CCDC192: variants seen among roughly 807,000 people sequenced by gnomAD.
CCDC192 encodes coiled-coil domain containing 192.
At chr5:127,801,397 G>GA (rs1243042578) in intron 5 of CCDC192, among the ~76,000 whole-genome samples, 1 of 151,966 alleles carries the variant, frequency 6.6e-6, no homozygotes, top group Non-Finnish European at 1.5e-5. Context: ...ACCTCTATAA[G>GA]AGTCTCCTGG....
intron 2 of CCDC192, among the ~76,000 whole-genome samples, chr5:127,719,456 CAT>C (rs200954365): frequency 7.5e-6 from 1 of 133,586 alleles, no homozygotes; most frequent in Admixed American, 8.0e-5. Context: ...TATATACATA[CAT>C]ATATATACAG....
At chr5:127,719,476 C>CATAT (rs71575703) in intron 2 of CCDC192, among the ~76,000 whole-genome samples, 1 of 127,718 alleles carries the variant, frequency 7.8e-6, no homozygotes, top group African/African-American at 3.3e-5. Context: ...CAGACACATA[C>CATAT]ATATATATAT....
chr5:127,772,682 T>C (rs980239693), intron 3 of CCDC192, among the ~76,000 whole-genome samples: 19 of 152,278 alleles, frequency 1.2e-4, no homozygotes, highest in African/African-American at 4.3e-4. Flanking sequence ...GACCTCTATA[T>C]ATTGCATACC....
chr5:127,792,020 A>G (rs988903839), intron 3 of CCDC192, among the ~76,000 whole-genome samples: 14 of 152,180 alleles, frequency 9.2e-5, no homozygotes, highest in Admixed American at 9.2e-4. Context: ...TATAAGAAGG[A>G]ACCAAGTAGT....
At chr5:127,793,958 CA>C (rs1203211343) in intron 3 of CCDC192, among the ~76,000 whole-genome samples, 1 of 152,170 alleles carries the variant, frequency 6.6e-6, no homozygotes, top group African/African-American at 2.4e-5. Flanking sequence ...GTTAATAAAG[CA>C]CTTTAATAAT....
chr5:127,729,907 A>C (rs765234381), intron 2 of CCDC192, among the ~76,000 whole-genome samples: 9 of 152,186 alleles, frequency 5.9e-5, no homozygotes, highest in Non-Finnish European at 1.2e-4. Context: ...AAATGCCCAC[A>C]TCAAAAAAGA....
chr5:127,939,772 C>T (rs1385774758), intron 6 of CCDC192, among the ~76,000 whole-genome samples: 1 of 151,436 alleles, frequency 6.6e-6, no homozygotes, highest in Non-Finnish European at 1.5e-5. Context: ...TAGCAGCAGG[C>T]TTTTGTATCT....
At chr5:127,737,563 C>T (rs1224015954) in intron 2 of CCDC192, among the ~76,000 whole-genome samples, 1 of 151,472 alleles carries the variant, frequency 6.6e-6, no homozygotes, top group Non-Finnish European at 1.5e-5. Flanking sequence ...GTGTGGGAGT[C>T]TAAGTCTCTT....
chr5:127,934,520 A>G (rs949943544), intron 6 of CCDC192, among the ~76,000 whole-genome samples: 2 of 152,210 alleles, frequency 1.3e-5, no homozygotes, highest in African/African-American at 4.8e-5. Context: ...AAATTGAAGT[A>G]CCTTTGAAGT....
intron 3 of CCDC192, among the ~76,000 whole-genome samples, chr5:127,758,378 C>A (rs1754730966): frequency 6.6e-6 from 1 of 152,324 alleles, no homozygotes; most frequent in Admixed American, 6.5e-5. Context: ...TTGGGCTTCA[C>A]TTTAGCTTAC....
At position 127,900,008 on chromosome 5, in the gene CCDC192, CAT is replaced by C. The variant is rs1434602134; in HGVS notation, c.535+24348_535+24349del. On this transcript the variant is annotated intron_variant, in intron 6 of 6. Coordinates refer to ENST00000514853, the MANE Select transcript of CCDC192 (RefSeq NM_001317938.2). ...CCCTGCCTTCACCTGTGTTTAGCAT[CAT>C]GTGTAGATTTAACCACCACTTATCG... Among the ~76,000 whole-genome samples, 4 of 152,176 alleles carry C rather than the reference CAT, an allele frequency of 2.6e-5. No individual in the cohort carries two copies. The East Asian group carries it at 7.7e-4, about 29-fold the overall frequency.
chr5:127,850,763 C>G (rs1224214501), intron 5 of CCDC192, among the ~76,000 whole-genome samples: 1 of 152,090 alleles, frequency 6.6e-6, no homozygotes, highest in Non-Finnish European at 1.5e-5. Flanking sequence ...TTTAGGAGTT[C>G]AAGACCAGCT....
intron 1 of CCDC192, among the ~76,000 whole-genome samples, chr5:127,706,510 C>G (rs1374932896): frequency 9.1e-6 from 1 of 109,642 alleles, no homozygotes; most frequent in Admixed American, 1.3e-4. Context: ...GGTGACAGAG[C>G]AAGACTCCAT....
At chr5:127,727,567 C>A (rs932687513) in intron 2 of CCDC192, among the ~76,000 whole-genome samples, 2 of 152,104 alleles carry the variant, frequency 1.3e-5, no homozygotes, top group African/African-American at 4.8e-5. Context: ...ATCCAAAAGT[C>A]AGCAGCCTCA....
chr5:127,710,182 A>G lies in CCDC192; in HGVS notation c.114+2422A>G, dbSNP rs148465883. Among the ~76,000 whole-genome samples, 39 of 152,238 alleles carry G rather than the reference A, an allele frequency of 2.6e-4. No homozygotes were observed. In the East Asian group the frequency reaches 7.3e-3, roughly 29 times the overall value. ...ATACATTTAGCTGGAGGGAGTTGGGATTAGAGACTCAAAGTGGTGGGGATA... is the reference window on the plus strand; with the variant it reads ...ATACATTTAGCTGGAGGGAGTTGGGGTTAGAGACTCAAAGTGGTGGGGATA... On this transcript the variant is annotated intron_variant, in intron 2 of 6. Transcript: ENST00000514853.
chr5:127,887,994 C>T (rs982242987), intron 6 of CCDC192, among the ~76,000 whole-genome samples: 46 of 152,186 alleles, frequency 3.0e-4, no homozygotes, highest in Non-Finnish European at 4.6e-4. Context: ...CGAGCCAGCG[C>T]GCCCAACCTT....
At chr5:127,751,446 A>G (rs1011117172) in intron 2 of CCDC192, among the ~76,000 whole-genome samples, 1 of 151,066 alleles carries the variant, frequency 6.6e-6, no homozygotes, top group Non-Finnish European at 1.5e-5. Flanking sequence ...ATTGGCCCCC[A>G]CTCTCTTCTG....
intron 6 of CCDC192, among the ~76,000 whole-genome samples, chr5:127,877,635 T>C (rs1752135565): frequency 6.6e-6 from 1 of 151,046 alleles, no homozygotes; most frequent in African/African-American, 2.4e-5. Context: ...GTCAAGGCCA[T>C]TGTTGTCCCA....
At chr5:127,745,871 T>C (rs1580580157) in intron 2 of CCDC192, among the ~76,000 whole-genome samples, 2 of 152,342 alleles carry the variant, frequency 1.3e-5, no homozygotes, top group South Asian at 2.1e-4. Flanking sequence ...AAGTCCTATC[T>C]TTCTGCCCTT....
Sources: allele counts gnomAD v4.1 joint callset (sites outside exome capture counted in the v4.1 genomes callset), GRCh38; gene constraint gnomAD v4.1.1; transcripts MANE v1.5; gene names NCBI Gene and HGNC (gene_info 2026-07-23, HGNC 2026-07-21).